Variants in TPCN1 observed in about 807,000 individuals in gnomAD.
TPCN1 encodes two pore segment channel 1, also known as two pore channel protein 1.
In TPCN1, 52 loss-of-function variants were observed where a neutral mutation model predicts 108.8. The observed-to-expected ratio is 0.48, with a 90% CI of 0.38 to 0.60. The LOEUF (loss-of-function observed/expected upper bound fraction) is 0.60. Ranked by LOEUF, TPCN1 falls within the 20% of genes least tolerant of loss-of-function variation. TPCN1 has a pLI of 0.00. For synonymous variants in TPCN1, 446 were observed against 433.7 expected (o/e 1.03, Z -0.35); for missense variants, 806 against 1,072.8 (o/e 0.75, Z 3.47).
chr12:113,272,636 A>G lies in TPCN1; in HGVS notation c.749-22A>G. 6.2e-7 allele frequency: 1 copy of G among 1,612,066 alleles called. No individual in the cohort carries two copies. Among genetic ancestry groups the G allele is most frequent in the South Asian group, 1.1e-5 (1 of 91,048 alleles). On this transcript the variant is annotated intron_variant, in intron 7 of 27. Transcript: ENST00000335509. The surrounding 1 kb of genome is among the most constrained non-coding windows in gnomAD (Gnocchi z 4.1). ...GACCTCTGCTCTAATCCTTTTGTTTATCTGTTTCCACCCACTTCTAGGTTT... is the reference window on the plus strand; with the variant it reads ...GACCTCTGCTCTAATCCTTTTGTTTGTCTGTTTCCACCCACTTCTAGGTTT...
At chr12:113,293,528 C>A (rs1374249769) in intron 27 of TPCN1, among the ~76,000 whole-genome samples, 179 bp downstream of exon 27, 1 of 152,190 alleles carries the variant, frequency 6.6e-6, no homozygotes, top group Middle Eastern at 3.2e-3. Flanking sequence ...AGCCTTGAAC[C>A]CTTGACTCGT....
Position 113,269,884 on chromosome 12 carries a change from G to A in TPCN1, c.748+39G>A, listed in dbSNP as rs1216037733. On this transcript the variant is annotated intron_variant, in intron 7 of 27. Transcript: ENST00000335509. This position sits in a 1 kb window ranked among gnomAD's most constrained non-coding sequence, Gnocchi z 5.0. Reference sequence around the variant, plus strand: ...TCTCAGGCCCAGGTGCGCTGGAAAAGCAAGTTCACGGTGGATGAAAAATTA... The same window carrying A: ...TCTCAGGCCCAGGTGCGCTGGAAAAACAAGTTCACGGTGGATGAAAAATTA... 1.2e-6 allele frequency: 2 copies of A among 1,601,990 alleles called. No individual in the cohort carries two copies. The highest frequency in any genetic ancestry group is 2.2e-5 in the East Asian group (1 of 44,812).
At chr12:113,275,435 G>C (rs1209027720) in intron 10 of TPCN1, among the ~76,000 whole-genome samples, 1 of 151,862 alleles carries the variant, frequency 6.6e-6, no homozygotes, top group African/African-American at 2.4e-5. Context: ...GTAGAGACAG[G>C]GTTTTGCCAT....
chr12:113,240,547 T>C (rs773541194), intron 2 of TPCN1, among the ~76,000 whole-genome samples: 2 of 152,206 alleles, frequency 1.3e-5, no homozygotes, highest in African/African-American at 2.4e-5. Context: ...AGTAGGTAAT[T>C]GAAGGACTTT....
intron 2 of TPCN1, among the ~76,000 whole-genome samples, chr12:113,258,687 A>G (rs891121720): frequency 1.3e-5 from 2 of 152,128 alleles, no homozygotes; most frequent in African/African-American, 4.8e-5. Context: ...AGGCTGAAGT[A>G]GGAGGATCTC....
At chr12:113,235,507 T>TA (rs35994827) in intron 2 of TPCN1, among the ~76,000 whole-genome samples, 8,100 of 143,220 alleles carry the variant, frequency 0.057, 253 homozygotes, top group Middle Eastern at 0.075. Flanking sequence ...AGTAGTGGTT[T>TA]AAAAAAAAAA....
Position 113,290,173 on chromosome 12 carries a change from G to A in TPCN1, c.1842G>A (p.Val614=). The change falls in exon 22 of 28, where the codon GTG becomes GTA. Residue 614 remains valine, a synonymous_variant. Transcript: ENST00000335509. ...ADAYRWRNHT[V]GNRTVVEEGY... ...CCTACCGCTGGCGCAACCACACCGT[G>A]GGCAACAGGACCGTGGTGGAGGAAG... The A allele has an allele frequency of 6.2e-7, 1 of 1,607,362 alleles. No individual in the cohort carries two copies. Among genetic ancestry groups the A allele is most frequent in the Admixed American group, 1.7e-5 (1 of 59,306 alleles).
chr12:113,254,571 A>G (rs1357527372), intron 2 of TPCN1, among the ~76,000 whole-genome samples: 1 of 152,202 alleles, frequency 6.6e-6, no homozygotes, highest in Non-Finnish European at 1.5e-5. Context: ...AAAACCATAT[A>G]CAGGTTGAAT....
chr12:113,281,620 C>G (rs938035427), intron 15 of TPCN1, among the ~76,000 whole-genome samples: 2 of 152,146 alleles, frequency 1.3e-5, no homozygotes, highest in African/African-American at 4.8e-5. Context: ...TTCACTGCAG[C>G]CTTGACCTCC....
At chr12:113,246,010 G>A (rs1954367028) in intron 2 of TPCN1, 2 of 456,144 alleles carry the variant, frequency 4.4e-6, no homozygotes, top group Non-Finnish European at 8.8e-6. Context: ...TTTCGAGGGA[G>A]CGTCTGGGCC....
chr12:113,271,172 G>A (rs1471394862), intron 7 of TPCN1, among the ~76,000 whole-genome samples: 1 of 152,122 alleles, frequency 6.6e-6, no homozygotes, highest in Non-Finnish European at 1.5e-5. Flanking sequence ...TGCTACTCAA[G>A]AGGTGAGGCA....
At chr12:113,290,080 C>T (rs1411788730) in intron 21 of TPCN1, 48 bp from the exon 22 acceptor site, 1 of 1,232,002 alleles carries the variant, frequency 8.1e-7, no homozygotes, top group East Asian at 2.5e-5. Flanking sequence ...CTGGAGGTGA[C>T]TGATCGCCTT....
intron 2 of TPCN1, among the ~76,000 whole-genome samples, chr12:113,228,668 C>T (rs80206729): frequency 0.016 from 2,497 of 152,236 alleles, 89 homozygotes; most frequent in East Asian, 0.15. Context: ...CATATAACCT[C>T]AATATAGGGT....
intron 7 of TPCN1, among the ~76,000 whole-genome samples, chr12:113,270,121 G>T (rs1417996953): frequency 6.6e-6 from 1 of 151,964 alleles, no homozygotes; most frequent in Non-Finnish European, 1.5e-5. Context: ...GCTTGAACCC[G>T]GGAGGCCAAG....
At chr12:113,246,175 C>A in intron 2 of TPCN1, 1 of 391,478 alleles carries the variant, frequency 2.6e-6, no homozygotes. Flanking sequence ...CTGTTTCTTT[C>A]CACTCCTTCC....
chr12:113,250,383 A>C (rs1257730603), intron 2 of TPCN1, among the ~76,000 whole-genome samples: 3 of 152,232 alleles, frequency 2.0e-5, no homozygotes, highest in Admixed American at 6.5e-5. Flanking sequence ...TTGCAGGGGC[A>C]GCTAGTTCAG....
At position 113,284,861 on chromosome 12, in the gene TPCN1, T is replaced by C. The variant is rs1956013657; in HGVS notation, c.1453+90T>C. 1 of 1,396,008 alleles carries C rather than the reference T, an allele frequency of 7.2e-7. No homozygotes were observed. The highest frequency in any genetic ancestry group is 1.4e-5 in the African/African-American group (1 of 70,144). The allele number at this position is 1,396,008 out of a possible 1,614,324, so 86.5% of individuals were successfully genotyped here. A position where few individuals can be genotyped will look rare whatever the true frequency, so the allele number is the denominator to read the frequency against. Reference sequence around the variant, plus strand: ...AGTGTAGAACCTCATGGTTCTTCTCTAAAACAGGAAGCTATAAAGAGACGG... The same window carrying C: ...AGTGTAGAACCTCATGGTTCTTCTCCAAAACAGGAAGCTATAAAGAGACGG... On this transcript the variant is annotated intron_variant, in intron 17 of 27. Coordinates refer to ENST00000335509, the MANE Select transcript of TPCN1 (RefSeq NM_017901.6). The surrounding 1 kb of genome is among the most constrained non-coding windows in gnomAD (Gnocchi z 4.1).
At chr12:113,281,867 C>T (rs529528332) in intron 15 of TPCN1, among the ~76,000 whole-genome samples, 5 of 151,398 alleles carry the variant, frequency 3.3e-5, no homozygotes, top group Non-Finnish European at 7.4e-5. Context: ...TGGGATAGTT[C>T]CTCTCCATGT....
intron 15 of TPCN1, among the ~76,000 whole-genome samples, chr12:113,282,526 GA>G (rs1220362975): frequency 1.3e-4 from 19 of 151,786 alleles, no homozygotes; most frequent in African/African-American, 4.1e-4. Flanking sequence ...GAGGCGGGTG[GA>G]TCACTTGAGC....
Sources: gnomAD v4.1 joint callset for allele counts (sites outside exome capture counted in the v4.1 genomes callset) on GRCh38, gnomAD v4.1.1 for gene constraint, Gnocchi (gnomAD v3.1) non-coding constraint, MANE v1.5 for transcripts, NCBI Gene and HGNC (gene_info 2026-07-23, HGNC 2026-07-21) for gene names.